CFAP251: variants seen among roughly 807,000 people sequenced by gnomAD.
CFAP251 encodes the protein cilia and flagella associated protein 251, also known as cilia- and flagella-associated protein 251.
CFAP251 carries 93 observed loss-of-function variants against 126.7 expected under a neutral mutation model. The observed-to-expected ratio is 0.73, with a 90% CI of 0.62 to 0.87. The LOEUF is 0.87. CFAP251 is among the 40% of genes least tolerant of loss of function. CFAP251 has a pLI of 0.00. For missense variants in CFAP251, 1,287 were observed against 1,389.2 expected (o/e 0.93, Z 1.17); for synonymous variants, 503 against 506.9 (o/e 0.99, Z 0.10).
chr12:121,974,990 C>A lies in CFAP251; in HGVS notation c.2772-254C>A, dbSNP rs1269047547. On this transcript the variant is annotated intron_variant, in intron 17 of 21. Coordinates refer to ENST00000288912, the MANE Select transcript of CFAP251 (RefSeq NM_144668.6). This position sits in a 1 kb window ranked among gnomAD's most constrained non-coding sequence, Gnocchi z 4.6. ...AAGATTGCAGACAAATTGCCAAGCA[C>A]CTGCCCTGTCATCATCAAGAGAATA... Among the ~76,000 whole-genome samples the A allele has an allele frequency of 1.3e-5, 2 of 152,178 alleles. No individual in the cohort carries two copies. Among genetic ancestry groups the A allele is most frequent in the African/African-American group, 2.4e-5 (1 of 41,440 alleles).
chr12:121,971,514 T>C lies in CFAP251; in HGVS notation c.2771+3345T>C, dbSNP rs561143209. On this transcript the variant is annotated intron_variant, in intron 17 of 21. Transcript: ENST00000288912. Reference sequence around the variant, plus strand: ...GCTGAGTTTTCTCAGGGCCGGGGCCTGCACTGAGTGAGTTCCATGTATCAT... The same window carrying C: ...GCTGAGTTTTCTCAGGGCCGGGGCCCGCACTGAGTGAGTTCCATGTATCAT... 1,765 of 702,276 alleles carry C rather than the reference T, an allele frequency of 2.5e-3. 5 individuals are homozygous for C. Among genetic ancestry groups the C allele is most frequent in the Non-Finnish European group, 3.6e-3 (1,392 of 384,492 alleles). 43.5% of individuals were successfully genotyped at this position (702,276 alleles called of 1,614,324 possible).
rs777224800 is a variant in CFAP251, at chr12:121,957,054, G to T, written c.1536-20G>T. On this transcript the variant is annotated intron_variant, in intron 10 of 21. Transcript: ENST00000288912. ...TGTTATTATTGCTATTTGCAAAACT[G>T]ATGTTATTCTCCATTTCAGCTACAT... 1 of 1,556,918 alleles carries T rather than the reference G, an allele frequency of 6.4e-7. No homozygotes were observed. The highest frequency in any genetic ancestry group is 8.7e-7 in the Non-Finnish European group (1 of 1,151,204).
intron 19 of CFAP251, among the ~76,000 whole-genome samples, chr12:121,984,210 A>G (rs1882693246): frequency 6.6e-6 from 1 of 152,238 alleles, no homozygotes; most frequent in Non-Finnish European, 1.5e-5. Flanking sequence ...AAGAATTCCT[A>G]GCCATTCCCT....
At chr12:121,999,459 T>C in intron 19 of CFAP251, 1 of 260,174 alleles carries the variant, frequency 3.8e-6, no homozygotes, top group Non-Finnish European at 7.5e-6. Context: ...CACTGTAACC[T>C]CAACTTCCAG....
chr12:121,929,098 G>A (rs1175276553), intron 3 of CFAP251, among the ~76,000 whole-genome samples: 2 of 151,900 alleles, frequency 1.3e-5, no homozygotes, highest in South Asian at 2.1e-4. Flanking sequence ...TGAGGCAGGC[G>A]GATCATGAGA....
chr12:121,990,632 C>A (rs534897365), intron 19 of CFAP251, among the ~76,000 whole-genome samples: 2 of 152,336 alleles, frequency 1.3e-5, no homozygotes, highest in South Asian at 4.1e-4. Flanking sequence ...CTCCTCCAAC[C>A]TTTGATGATG....
At chr12:121,927,294 C>T (rs1321590475) in intron 3 of CFAP251, among the ~76,000 whole-genome samples, 3 of 151,348 alleles carry the variant, frequency 2.0e-5, no homozygotes, top group Non-Finnish European at 4.4e-5. Flanking sequence ...ATCTCTACTT[C>T]CTCTTTTTGT....
At chr12:122,001,430 G>A (rs991248971) in intron 20 of CFAP251, 67 bp from the exon 21 acceptor site, 17 of 1,334,102 alleles carry the variant, frequency 1.3e-5, no homozygotes, top group Middle Eastern at 1.8e-4. Flanking sequence ...GAATAATAAC[G>A]CTAAGCCCTG....
At chr12:121,952,641 AT>A (rs1320357458) in intron 9 of CFAP251, 1 of 151,962 alleles carries the variant, frequency 6.6e-6, no homozygotes, top group Non-Finnish European at 1.5e-5. Flanking sequence ...CTCCTGTAGC[AT>A]TTTCTGCATT....
intron 20 of CFAP251, 106 bp downstream of exon 20, chr12:122,000,050 A>G: frequency 9.2e-7 from 1 of 1,084,010 alleles, no homozygotes; most frequent in South Asian, 1.6e-5. Context: ...TTCATGAAAG[A>G]GGTGATTTGA....
intron 3 of CFAP251, among the ~76,000 whole-genome samples, chr12:121,927,587 G>A (rs1399312009): frequency 1.3e-5 from 2 of 152,096 alleles, no homozygotes; most frequent in East Asian, 1.9e-4. Flanking sequence ...ATGAGCCACC[G>A]TGCCCAGCCC....
intron 2 of CFAP251, among the ~76,000 whole-genome samples, chr12:121,922,105 C>CTT (rs545096948): frequency 5.0e-5 from 6 of 120,424 alleles, no homozygotes; most frequent in Admixed American, 9.0e-5. Context: ...ACAATCCATT[C>CTT]TTTTTTTTTT....
chr12:121,949,214 G>T (rs752443329), intron 8 of CFAP251, 153 bp downstream of exon 8: 2 of 394,810 alleles, frequency 5.1e-6, no homozygotes, highest in Non-Finnish European at 9.0e-6. Flanking sequence ...GTAGTATTTA[G>T]TCCTATTAGA....
chr12:121,933,089 C>G (rs1031606553), intron 4 of CFAP251: 1 of 152,238 alleles, frequency 6.6e-6, no homozygotes. Flanking sequence ...ATTCCCTGCT[C>G]TCATGGAGCT....
chr12:121,927,185 T>TA (rs1880452932), intron 3 of CFAP251, among the ~76,000 whole-genome samples: 1 of 122,354 alleles, frequency 8.2e-6, no homozygotes, highest in African/African-American at 3.6e-5. Flanking sequence ...TTGTGTTGTT[T>TA]AGGTTTTTTT....
At chr12:121,984,993 AATGATGCTCATTGGTC>A (rs1417391863) in intron 19 of CFAP251, among the ~76,000 whole-genome samples, 15 of 152,210 alleles carry the variant, frequency 9.9e-5, no homozygotes, top group African/African-American at 3.1e-4. Context: ...TGAATGAATC[AATGATGCTCATTGGTC>A]ATATTCGACA....
At position 121,923,617 on chromosome 12, in the gene CFAP251, T is replaced by G; in HGVS notation, c.379-5T>G. On this transcript the variant is annotated splice_region_variant and splice_polypyrimidine_tract_variant and intron_variant, in intron 2 of 21. Transcript: ENST00000288912. ...GGAATCATGATATTTTATTTCTTTTTAAAGAAAACCCAAAGAGGTAGCAAG... is the reference window on the plus strand; with the variant it reads ...GGAATCATGATATTTTATTTCTTTTGAAAGAAAACCCAAAGAGGTAGCAAG... The G allele has an allele frequency of 6.3e-7, 1 of 1,592,354 alleles. No individual in the cohort carries two copies. Among genetic ancestry groups the G allele is most frequent in the Non-Finnish European group, 8.5e-7 (1 of 1,172,930 alleles).
chr12:121,947,653 G>A (rs1881370312), intron 7 of CFAP251: 1 of 152,170 alleles, frequency 6.6e-6, no homozygotes, highest in Non-Finnish European at 1.5e-5. Context: ...GTTTTTTAAA[G>A]TGTAGAAATA....
At chr12:122,003,577 C>A in intron 21 of CFAP251, 75 bp from the exon 22 acceptor site, 2 of 1,220,834 alleles carry the variant, frequency 1.6e-6, no homozygotes, top group South Asian at 1.3e-5. Flanking sequence ...TGTCTCAAAC[C>A]CCTCCCCTCA....
Sources: allele counts gnomAD v4.1 joint callset (sites outside exome capture counted in the v4.1 genomes callset), GRCh38; gene constraint gnomAD v4.1.1; non-coding constraint Gnocchi (gnomAD v3.1); transcripts MANE v1.5; gene names NCBI Gene and HGNC (gene_info 2026-07-23, HGNC 2026-07-21).